The following NUP210L variants were observed in gnomAD, a reference collection of about 807,000 sequenced individuals.
NUP210L encodes nuclear pore membrane glycoprotein 210-like.
Under a neutral mutation model 208.5 loss-of-function variants are expected in NUP210L, and 74 were observed. The observed-to-expected ratio is 0.35, with a 90% CI of 0.29 to 0.43. The LOEUF is 0.43. Among genes scored for constraint, NUP210L ranks in the 20% least tolerant of loss-of-function variants. The pLI, the probability that NUP210L is intolerant of heterozygous loss-of-function variation, is 1.00. For synonymous variants in NUP210L, 780 were observed against 816.9 expected, an observed-to-expected ratio of 0.95 and a Z score of 0.77; for missense variants, 1,843 against 2,289.4, an observed-to-expected ratio of 0.81 and a Z score of 3.98.
intron 15 of NUP210L, among the ~76,000 whole-genome samples, chr1:154,090,934 G>C (rs1294404462): frequency 6.6e-6 from 1 of 151,698 alleles, no homozygotes; most frequent in African/African-American, 2.4e-5. Flanking sequence ...ATAGTATGGT[G>C]GTTCCTCAAG....
At chr1:154,126,107 T>C (rs540378944) in intron 10 of NUP210L, among the ~76,000 whole-genome samples, 8 of 152,146 alleles carry the variant, frequency 5.3e-5, no homozygotes, top group African/African-American at 1.9e-4. Flanking sequence ...CCAAATGATA[T>C]ATACACAATG....
intron 17 of NUP210L, among the ~76,000 whole-genome samples, chr1:154,064,097 T>C (rs1356804646): frequency 6.6e-6 from 1 of 151,800 alleles, no homozygotes; most frequent in Non-Finnish European, 1.5e-5. Context: ...GGGGTCTCAC[T>C]ATGTTGCCCA....
chr1:154,074,785 C>T (rs964262465), intron 16 of NUP210L, among the ~76,000 whole-genome samples: 2 of 151,918 alleles, frequency 1.3e-5, no homozygotes, highest in Non-Finnish European at 2.9e-5. Context: ...CACCGCACCC[C>T]GCTGGGATCA....
At chr1:154,099,804 C>T (rs143862457) in intron 14 of NUP210L, among the ~76,000 whole-genome samples, 194 bp downstream of exon 14, 204 of 152,264 alleles carry the variant, frequency 1.3e-3, no homozygotes, top group African/African-American at 4.5e-3. Flanking sequence ...GTGACAGAAG[C>T]ATGAGGGAGT....
At chr1:154,137,319 G>A (rs540112282) in intron 6 of NUP210L, among the ~76,000 whole-genome samples, 1 of 152,280 alleles carries the variant, frequency 6.6e-6, no homozygotes, top group East Asian at 1.9e-4. Context: ...TTGGGAGGCT[G>A]AGGCAGATGG....
chr1:154,095,741 TA>T (rs1179278684), intron 14 of NUP210L, among the ~76,000 whole-genome samples: 2 of 152,184 alleles, frequency 1.3e-5, no homozygotes, highest in African/African-American at 4.8e-5. Flanking sequence ...ACTTCTGCCC[TA>T]AAAATATAAA....
chr1:154,151,484 G>GA (rs1277744442), intron 2 of NUP210L, among the ~76,000 whole-genome samples: 1 of 151,860 alleles, frequency 6.6e-6, no homozygotes, highest in Non-Finnish European at 1.5e-5. Context: ...AAAATCTGGT[G>GA]AAAAATAGCA....
intron 17 of NUP210L, among the ~76,000 whole-genome samples, chr1:154,066,826 A>T (rs1052547125): frequency 6.6e-6 from 1 of 152,226 alleles, no homozygotes; most frequent in African/African-American, 2.4e-5. Flanking sequence ...CTACGCAAAT[A>T]AACTAGAAAA....
At chr1:154,022,429 A>G in intron 31 of NUP210L, 86 bp from the exon 32 acceptor site, 1 of 1,042,984 alleles carries the variant, frequency 9.6e-7, no homozygotes, top group South Asian at 1.3e-5. Context: ...CACATTTTAT[A>G]TTCAACAGCT....
intron 15 of NUP210L, among the ~76,000 whole-genome samples, chr1:154,090,215 GAA>G (rs61444934): frequency 5.0e-5 from 7 of 140,550 alleles, no homozygotes; most frequent in African/African-American, 7.8e-5. Flanking sequence ...CCTGTCTCAG[GAA>G]AAAAAAAAAA....
At chr1:154,135,399 G>C (rs1015080733) in intron 7 of NUP210L, among the ~76,000 whole-genome samples, 1 of 151,950 alleles carries the variant, frequency 6.6e-6, no homozygotes, top group Non-Finnish European at 1.5e-5. Flanking sequence ...AAAACCTATA[G>C]GAAAACACTG....
At chr1:154,139,454 A>G (rs568007557) in intron 5 of NUP210L, among the ~76,000 whole-genome samples, 3 of 152,340 alleles carry the variant, frequency 2.0e-5, no homozygotes, top group Admixed American at 2.0e-4. Context: ...TATTGGCCCA[A>G]ATCACATCAG....
intron 13 of NUP210L, 98 bp from the exon 14 acceptor site, chr1:154,100,241 G>A (rs901703957): frequency 1.7e-5 from 18 of 1,063,406 alleles, no homozygotes; most frequent in African/African-American, 6.3e-5. Flanking sequence ...CTTGAGCTCC[G>A]AAGTTTAAGA....
chr1:154,120,100 A>G (rs1385244806), intron 10 of NUP210L, among the ~76,000 whole-genome samples: 1 of 152,128 alleles, frequency 6.6e-6, no homozygotes, highest in Non-Finnish European at 1.5e-5. Context: ...CTGGTGTGAG[A>G]TGATATCTCA....
rs558672301 is a variant in NUP210L at position 153,995,200 on chromosome 1, A to G, written c.5387-20T>C. On this transcript the variant is annotated intron_variant, in intron 37 of 39. Coordinates refer to ENST00000368559, the Ensembl canonical transcript of NUP210L. The stretch of plus-strand genomic sequence containing the variant: ...AGTGATCTATACATTGGCCATAACA[A>G]AACAAGATAATAGTTAATAGCAACC... The G allele has an allele frequency of 5.9e-6, 9 of 1,532,426 alleles. No homozygotes were observed. In the South Asian group the frequency reaches 1.0e-4, roughly 18 times the overall value. 94.9% of individuals were successfully genotyped at this position (1,532,426 alleles called of 1,614,324 possible). A position where few individuals can be genotyped will look rare whatever the true frequency, so the allele number is the denominator to read the frequency against.
At chr1:154,093,061 T>A (rs1656011685) in intron 15 of NUP210L, among the ~76,000 whole-genome samples, 1 of 152,122 alleles carries the variant, frequency 6.6e-6, no homozygotes, top group East Asian at 1.9e-4. Context: ...AAGAGATGGA[T>A]GGTAGTGATG....
At chr1:154,092,463 G>A (rs200783731) in intron 15 of NUP210L, among the ~76,000 whole-genome samples, 1 of 151,008 alleles carries the variant, frequency 6.6e-6, no homozygotes, top group African/African-American at 2.4e-5. Context: ...TCTGCCTCCC[G>A]GGTTCAAGCA....
chr1:154,001,455 C>T (rs1446966895), intron 36 of NUP210L, among the ~76,000 whole-genome samples: 1 of 152,156 alleles, frequency 6.6e-6, no homozygotes, highest in African/African-American at 2.4e-5. Context: ...TTTGGCCTCC[C>T]AAAGTGCTGG....
At chr1:154,014,867 G>T (rs1288869429) in intron 33 of NUP210L, among the ~76,000 whole-genome samples, 1 of 152,074 alleles carries the variant, frequency 6.6e-6, no homozygotes, top group Non-Finnish European at 1.5e-5. Flanking sequence ...AGCTGGGTGT[G>T]GTGGCACACA....
Sources: allele counts gnomAD v4.1 joint callset (sites outside exome capture counted in the v4.1 genomes callset), GRCh38; gene constraint gnomAD v4.1.1; transcripts MANE v1.5; gene names NCBI Gene and HGNC (gene_info 2026-07-23, HGNC 2026-07-21).